The following P2RY14 variants were observed in gnomAD, a reference collection of about 807,000 sequenced individuals.
P2RY14 encodes P2Y purinoceptor 14.
Under a neutral mutation model 0.9 loss-of-function variants are expected in P2RY14, and 2 were observed. That is an observed-to-expected ratio of 2.16 (90% CI 0.88 to 6.79). The LOEUF is 6.79. P2RY14 is among the 30% of genes most tolerant of loss of function. The pLI, the probability that P2RY14 is intolerant of heterozygous loss-of-function variation, is 0.05. For missense variants in P2RY14, 378 were observed against 400.1 expected, an observed-to-expected ratio of 0.94 and a Z score of 0.47; for synonymous variants, 158 against 147.2, an observed-to-expected ratio of 1.07 and a Z score of -0.53.
rs182900620 is a variant in P2RY14 at position 151,277,339 on chromosome 3, T to A, written c.-133+948A>T. Among the ~76,000 whole-genome samples the A allele has an allele frequency of 2.6e-5, 4 of 152,334 alleles. No individual in the cohort carries two copies. The East Asian group carries it at 7.7e-4, about 29-fold the overall frequency. On this transcript the variant is annotated intron_variant, in intron 1 of 2. Coordinates refer to ENST00000309170, the MANE Select transcript of P2RY14 (RefSeq NM_014879.4). ...AATTTTACCGAAATATAAAATTCAT[T>A]GCATGTTTACAAATCATAAAATATG...
chr3:151,258,836 A>C (rs1467350335), intron 1 of P2RY14, among the ~76,000 whole-genome samples: 1 of 139,610 alleles, frequency 7.2e-6, no homozygotes, highest in Admixed American at 7.5e-5. Context: ...TGGGCGACAG[A>C]GCAAGATTCT....
At chr3:151,246,344 G>A (rs1431220402) in intron 1 of P2RY14, among the ~76,000 whole-genome samples, 2 of 152,010 alleles carry the variant, frequency 1.3e-5, no homozygotes, top group Non-Finnish European at 2.9e-5. Flanking sequence ...CAAAGCTGGA[G>A]GCATCACGCT....
intron 1 of P2RY14, among the ~76,000 whole-genome samples, chr3:151,274,339 A>G (rs1741495281): frequency 6.6e-6 from 1 of 152,194 alleles, no homozygotes; most frequent in South Asian, 2.1e-4. Context: ...GATAACAGGG[A>G]CAGCTGGTCT....
intron 1 of P2RY14, among the ~76,000 whole-genome samples, chr3:151,256,527 A>C (rs1423239127): frequency 6.6e-6 from 1 of 152,168 alleles, no homozygotes; most frequent in Admixed American, 6.5e-5. Flanking sequence ...CCCTCTTGTC[A>C]ACCACAGAAA....
At chr3:151,217,584 G>A (rs1401684952) in intron 2 of P2RY14, among the ~76,000 whole-genome samples, 1 of 152,196 alleles carries the variant, frequency 6.6e-6, no homozygotes, top group African/African-American at 2.4e-5. Flanking sequence ...TGCAATTGCA[G>A]ATGAGCCTCC....
chr3:151,262,131 AAGTT>A (rs1559954271), intron 1 of P2RY14, among the ~76,000 whole-genome samples: 1 of 152,156 alleles, frequency 6.6e-6, no homozygotes. Flanking sequence ...AATTTATTGA[AAGTT>A]AGATAGCTAG....
chr3:151,246,116 A>G (rs1284307132), intron 1 of P2RY14, among the ~76,000 whole-genome samples: 1 of 151,546 alleles, frequency 6.6e-6, no homozygotes, highest in Non-Finnish European at 1.5e-5. Context: ...CAAGGAAATA[A>G]AAGAGGATAC....
chr3:151,232,248 G>A (rs747345012), intron 1 of P2RY14, among the ~76,000 whole-genome samples: 1 of 152,032 alleles, frequency 6.6e-6, no homozygotes, highest in Non-Finnish European at 1.5e-5. Context: ...ATTGTTTGTA[G>A]CTCTTTGAGC....
At position 151,244,113 on chromosome 3, in the gene P2RY14, A is replaced by G. The variant is rs916009505; in HGVS notation, c.-132-24471T>C. Among the ~76,000 whole-genome samples the G allele has an allele frequency of 6.6e-5, 8 of 120,384 alleles. 1 individual carries two copies. The highest frequency in any genetic ancestry group is 1.3e-4 in the Non-Finnish European group (7 of 52,812). The allele number at this position is 120,384 out of a possible 152,430, so 79.0% of individuals were successfully genotyped here. ...CCAATACAGGAGCACCAAGATTCATAAAGCAAGTCCTGAGTGACCTACAAA... is the reference window on the plus strand; with the variant it reads ...CCAATACAGGAGCACCAAGATTCATGAAGCAAGTCCTGAGTGACCTACAAA... On this transcript the variant is annotated intron_variant, in intron 1 of 2. Transcript: ENST00000309170.
At chr3:151,218,187 C>T (rs1481293068) in intron 2 of P2RY14, among the ~76,000 whole-genome samples, 3 of 152,134 alleles carry the variant, frequency 2.0e-5, no homozygotes, top group African/African-American at 7.2e-5. Context: ...TAAATAAGAA[C>T]CAAAAGAATC....
chr3:151,268,871 A>G (rs2149536742), intron 1 of P2RY14, among the ~76,000 whole-genome samples: 1 of 152,302 alleles, frequency 6.6e-6, no homozygotes, highest in East Asian at 1.9e-4. Context: ...TACCTTCCCA[A>G]CCTTCGGTTG....
chr3:151,269,397 T>TCTCACA (rs925857835), intron 1 of P2RY14: 18 of 144,512 alleles, frequency 1.2e-4, no homozygotes, highest in African/African-American at 5.3e-4. Context: ...TGAAACTCCA[T>TCTCACA]CACACACACA....
chr3:151,236,945 A>G (rs991487806), intron 1 of P2RY14, among the ~76,000 whole-genome samples: 10 of 151,680 alleles, frequency 6.6e-5, no homozygotes, highest in African/African-American at 1.9e-4. Flanking sequence ...TTTGTTGCCT[A>G]TTGATGGACA....
intron 1 of P2RY14, among the ~76,000 whole-genome samples, chr3:151,242,187 C>T (rs182307274): frequency 7.2e-5 from 11 of 152,258 alleles, no homozygotes; most frequent in South Asian, 2.1e-4. Flanking sequence ...GGCAGCAACA[C>T]GGCTGGGGGA....
intron 1 of P2RY14, among the ~76,000 whole-genome samples, chr3:151,233,867 T>C (rs2149340547): frequency 6.6e-6 from 1 of 152,392 alleles, no homozygotes; most frequent in East Asian, 1.9e-4. Flanking sequence ...TTGTGTGTTT[T>C]TTATTTCCTC....
At chr3:151,234,604 G>A (rs1327797412) in intron 1 of P2RY14, among the ~76,000 whole-genome samples, 4 of 152,152 alleles carry the variant, frequency 2.6e-5, no homozygotes. Flanking sequence ...ATTTTACACA[G>A]GAAGAAAGAT....
chr3:151,223,772 G>A (rs938434420), intron 1 of P2RY14, among the ~76,000 whole-genome samples: 1 of 152,132 alleles, frequency 6.6e-6, no homozygotes, highest in Non-Finnish European at 1.5e-5. Context: ...TTCACTAGAA[G>A]CCCAAAAGCT....
chr3:151,216,944 A>G (rs914607263), intron 2 of P2RY14, among the ~76,000 whole-genome samples: 4 of 152,130 alleles, frequency 2.6e-5, no homozygotes, highest in African/African-American at 9.7e-5. Flanking sequence ...CTGTATTCCC[A>G]GGTCTAATTT....
chr3:151,231,988 A>G (rs959059143), intron 1 of P2RY14, among the ~76,000 whole-genome samples: 9 of 152,156 alleles, frequency 5.9e-5, no homozygotes, highest in Non-Finnish European at 1.0e-4. Flanking sequence ...CTATATGCAC[A>G]TATACATGTA....
Sources: gnomAD v4.1 joint callset for allele counts (sites outside exome capture counted in the v4.1 genomes callset) on GRCh38, gnomAD v4.1.1 for gene constraint, MANE v1.5 for transcripts, NCBI Gene and HGNC (gene_info 2026-07-23, HGNC 2026-07-21) for gene names.